Variants in GP6 observed in about 807,000 individuals in gnomAD.
GP6 encodes glycoprotein VI platelet.
GP6 carries 45 observed loss-of-function variants against 37.3 expected under a neutral mutation model. The observed-to-expected ratio is 1.21, with a 90% CI of 0.95 to 1.55. GP6 has a LOEUF of 1.55. Ranked by LOEUF, GP6 falls within the 40% of genes most tolerant of loss-of-function variation. The probability of loss-of-function intolerance (pLI) is 0.00; values close to 1 mark genes in which losing one functional copy is unlikely to be tolerated. For missense variants in GP6, 813 were observed against 760.2 expected, an observed-to-expected ratio of 1.07 and a Z score of -0.82; for synonymous variants, 340 against 316.4, an observed-to-expected ratio of 1.07 and a Z score of -0.79.
intron 5 of GP6, among the ~76,000 whole-genome samples, chr19:55,020,679 A>AT (rs1403742460): frequency 6.6e-6 from 1 of 152,142 alleles, no homozygotes; most frequent in African/African-American, 2.4e-5. Context: ...TGCAATGAAC[A>AT]TATGTGTGCA....
At chr19:55,015,479 T>C (rs923756484) in intron 7 of GP6, among the ~76,000 whole-genome samples, 3 of 152,182 alleles carry the variant, frequency 2.0e-5, no homozygotes, top group Admixed American at 1.3e-4. Flanking sequence ...ATGGAATCTC[T>C]CTTTCTCTGA....
chr19:55,022,235 C>G (rs2074113376), intron 5 of GP6, among the ~76,000 whole-genome samples: 1 of 152,146 alleles, frequency 6.6e-6, no homozygotes, highest in South Asian at 2.1e-4. Context: ...TGCCTGTGTC[C>G]TGAATGGTAT....
Position 55,014,541 on chromosome 19 carries a change from A to G in GP6, c.1404T>C (p.Ser468=), listed in dbSNP as rs1220339695. The change falls in exon 8 of 8, where the codon TCT becomes TCC. Residue 468 remains serine, a synonymous_variant. Coordinates refer to ENST00000310373, the MANE Select transcript of GP6 (RefSeq NM_001083899.2). ...AGGGAAGCACGGGAGGATTTTGCAC[A>G]GAGGATGGAACAGAGTCAACCCTGA... 1 of 1,613,866 alleles carries G rather than the reference A, an allele frequency of 6.2e-7. No homozygotes were observed. Among genetic ancestry groups the G allele is most frequent in the Admixed American group, 1.7e-5 (1 of 60,016 alleles).
chr19:55,031,060 C>G (rs2074543705), intron 3 of GP6, among the ~76,000 whole-genome samples: 1 of 151,990 alleles, frequency 6.6e-6, no homozygotes, highest in South Asian at 2.1e-4. Flanking sequence ...GTTGCCCAGG[C>G]TGGTCTTGAA....
chr19:55,033,689 A>G lies in GP6; in HGVS notation c.35-1151T>C, dbSNP rs73615811. Among the ~76,000 whole-genome samples, 716 of 152,336 alleles carry G rather than the reference A, an allele frequency of 4.7e-3. 9 individuals carry two copies. The highest frequency in any genetic ancestry group is 0.016 in the African/African-American group (685 of 41,578). ...GTACATTACAATAGTATGCAATTGT[A>G]TAGACAAGTATTGTAAATACTATTG... On this transcript the variant is annotated intron_variant, in intron 1 of 7. Coordinates refer to ENST00000310373, the MANE Select transcript of GP6 (RefSeq NM_001083899.2).
chr19:55,019,770 C>T (rs987926989), intron 5 of GP6, among the ~76,000 whole-genome samples: 1 of 151,182 alleles, frequency 6.6e-6, no homozygotes, highest in East Asian at 1.9e-4. Context: ...CTCTGCCTCC[C>T]GGGTTCACAC....
At chr19:55,035,414 T>C (rs555591893) in intron 1 of GP6, among the ~76,000 whole-genome samples, 38 of 152,254 alleles carry the variant, frequency 2.5e-4, no homozygotes, top group African/African-American at 8.9e-4. Context: ...ATATCACCGA[T>C]AGTAGATTTT....
chr19:55,015,817 A>C, intron 6 of GP6, 84 bp from the exon 7 acceptor site: 1 of 776,834 alleles, frequency 1.3e-6, no homozygotes. Flanking sequence ...ACACACACAC[A>C]TGGGGAGGCA....
intron 6 of GP6, 50 bp from the exon 7 acceptor site, chr19:55,015,783 CCT>C (rs755849819): frequency 3.0e-5 from 29 of 959,486 alleles, no homozygotes; most frequent in Non-Finnish European, 4.5e-5. Context: ...ATTCCCGCCC[CCT>C]GTCACTGTGC....
At chr19:55,024,731 C>T (rs972937968) in intron 5 of GP6, among the ~76,000 whole-genome samples, 1 of 152,156 alleles carries the variant, frequency 6.6e-6, no homozygotes, top group Non-Finnish European at 1.5e-5. Context: ...TGACTGGATT[C>T]ACCCCAGACC....
chr19:55,021,080 C>G (rs1187793737), intron 5 of GP6, among the ~76,000 whole-genome samples: 2 of 143,616 alleles, frequency 1.4e-5, no homozygotes, highest in African/African-American at 5.2e-5. Flanking sequence ...AAAGGTGGCC[C>G]TGGTGCGGTG....
chr19:55,032,662 G>A (rs2074611723), intron 1 of GP6, 124 bp from the exon 2 acceptor site: 1 of 1,031,606 alleles, frequency 9.7e-7, no homozygotes. Flanking sequence ...TTCTTCAAAA[G>A]ACACACAGGA....
At chr19:55,018,732 T>C in intron 5 of GP6, 21 bp from the exon 6 acceptor site, 1 of 1,571,478 alleles carries the variant, frequency 6.4e-7, no homozygotes, top group Non-Finnish European at 8.8e-7. Flanking sequence ...AAAACAATGT[T>C]AGGTCTTCCC....
Position 55,027,594 on chromosome 19 carries a change from C to T in GP6, c.594G>A (p.Leu198=). 5.6e-6 allele frequency: 9 copies of T among 1,613,506 alleles called. No individual in the cohort carries two copies. The highest frequency in any genetic ancestry group is 7.6e-6 in the Non-Finnish European group (9 of 1,179,558). Residue 198 remains leucine, a synonymous_variant, in exon 4 of 8, where the codon CTG becomes CTA. Transcript: ENST00000310373. ...TACCCCTACCTGTGACCACAAGCTC[C>T]AGGGGGTCGCTGGGGGCTGACCACA...
intron 3 of GP6, among the ~76,000 whole-genome samples, chr19:55,028,139 G>A (rs2074382268): frequency 6.6e-6 from 1 of 152,246 alleles, no homozygotes; most frequent in African/African-American, 2.4e-5. Context: ...GAGCCTCACT[G>A]CCTTGTTCTG....
In GP6 at chr19:55,032,390, A is replaced by G; in HGVS notation, c.74T>C (p.Leu25Pro). Residue 25 changes from leucine to proline, a missense_variant, in exon 3 of 8, where the codon CTC (leucine) becomes CCC (proline). By Grantham distance (98) the Leu-to-Pro change is moderately conservative (BLOSUM62 -3). Coordinates refer to ENST00000310373, the MANE Select transcript of GP6 (RefSeq NM_001083899.2). Reference sequence around the variant, plus strand: ...CAGAGCCTGGAGGGAGGGCTTGGGGAGCGGTCCTGGAAGAGGAGCAGGGCT... The same window carrying G: ...CAGAGCCTGGAGGGAGGGCTTGGGGGGCGGTCCTGGAAGAGGAGCAGGGCT... 6.2e-7 allele frequency: 1 copy of G among 1,612,800 alleles called. No individual in the cohort carries two copies. Among genetic ancestry groups the G allele is most frequent in the Non-Finnish European group, 8.5e-7 (1 of 1,179,406 alleles).
intron 4 of GP6, among the ~76,000 whole-genome samples, chr19:55,025,999 CCAAAAA>C (rs1331715655): frequency 1.5e-3 from 27 of 17,904 alleles, no homozygotes; most frequent in Admixed American, 0.014. Context: ...GAGACTCCCC[CCAAAAA>C]AAAAAAAAAA....
In GP6 at chr19:55,014,684, G is replaced by T. The variant is rs2146688811; in HGVS notation, c.1261C>A (p.Pro421Thr). ...CACAGTGTGCAGGGAGGAGGATGGG[G>T]TCTCCACAGATTCCTTCCATCCCAA... Residue 421 changes from proline (P) to threonine (T), a missense_variant, in exon 8 of 8, where the codon CCC (proline) becomes ACC (threonine). Coordinates refer to ENST00000310373, the MANE Select transcript of GP6 (RefSeq NM_001083899.2). 6.2e-7 allele frequency: 1 copy of T among 1,613,878 alleles called. No homozygotes were observed. Among genetic ancestry groups the T allele is most frequent in the Non-Finnish European group, 8.5e-7 (1 of 1,179,792 alleles).
At chr19:55,032,060 C>T in intron 3 of GP6, 79 bp downstream of exon 3, 2 of 1,439,580 alleles carry the variant, frequency 1.4e-6, no homozygotes, top group Non-Finnish European at 1.9e-6. Context: ...TCACCCTAAT[C>T]CCTGCCCTCA....
Sources: gnomAD v4.1 joint callset for allele counts (sites outside exome capture counted in the v4.1 genomes callset) on GRCh38, gnomAD v4.1.1 for gene constraint, MANE v1.5 for transcripts, NCBI Gene and HGNC (gene_info 2026-07-23, HGNC 2026-07-21) for gene names.